The following VPS13C variants were observed in gnomAD, a reference collection of about 807,000 sequenced individuals.
VPS13C encodes the protein intermembrane lipid transfer protein VPS13C.
Under a neutral mutation model 456.8 loss-of-function variants are expected in VPS13C, and 358 were observed. The observed-to-expected ratio is 0.78, with a 90% CI of 0.72 to 0.86. The LOEUF (loss-of-function observed/expected upper bound fraction) is 0.86, where lower values mean the gene tolerates loss of function less well. Ranked by LOEUF, VPS13C falls within the 40% of genes least tolerant of loss-of-function variation. VPS13C has a pLI of 0.00. For missense variants in VPS13C, 4,818 were observed against 4,385.4 expected (o/e 1.10, Z -2.79); for synonymous variants, 1,578 against 1,486.7 (o/e 1.06, Z -1.41).
chr15:61,913,226 G>A, intron 62 of VPS13C, 85 bp downstream of exon 62: 1 of 1,198,722 alleles, frequency 8.3e-7, no homozygotes, highest in Non-Finnish European at 1.2e-6. Flanking sequence ...AAAGACACAT[G>A]CACACATATG....
chr15:61,922,855 TAA>T (rs2043707857), intron 53 of VPS13C, 93 bp from the exon 54 acceptor site: 2 of 967,874 alleles, frequency 2.1e-6, no homozygotes, highest in African/African-American at 1.7e-5. Context: ...ACATTAATTA[TAA>T]GTGACATTTT....
At chr15:61,994,811 A>C (rs1436478059) in intron 16 of VPS13C, among the ~76,000 whole-genome samples, 11 of 152,118 alleles carry the variant, frequency 7.2e-5, no homozygotes, top group Non-Finnish European at 2.9e-5. Context: ...GCTGGTCTCA[A>C]ACTCCTGACC....
At chr15:61,973,588 T>C in intron 25 of VPS13C, 56 bp from the exon 26 acceptor site, 1 of 1,330,634 alleles carries the variant, frequency 7.5e-7, no homozygotes, top group Non-Finnish European at 1.1e-6. Context: ...GGATTAAATG[T>C]CATAAATGAG....
intron 67 of VPS13C, among the ~76,000 whole-genome samples, chr15:61,889,333 CATT>C (rs1406220691): frequency 3.3e-5 from 5 of 151,912 alleles, no homozygotes; most frequent in Non-Finnish European, 7.4e-5. Flanking sequence ...AATATATTAA[CATT>C]ATATTAATGG....
rs762493623 is a variant in VPS13C at position 61,983,843 on chromosome 15, G to C, written c.1891C>G (p.Pro631Ala). 2 of 1,614,062 alleles carry C rather than the reference G, an allele frequency of 1.2e-6. No individual in the cohort carries two copies. The highest frequency in any genetic ancestry group is 2.2e-5 in the South Asian group (2 of 91,076). ...ADQTLIVQSQ[P>A]VEVIYDAKTV... is the part of the protein sequence containing the mutation. ...ACAGCATCATAGATGACCTCCACAG[G>C]CTGGGACTGAACAATCAGAGTCTGG... is the stretch of plus-strand genomic sequence containing the variant. Residue 631 changes from proline to alanine, a missense_variant, in exon 20 of 85, where the codon CCT becomes GCT. By Grantham distance (27) the Pro-to-Ala change is conservative (BLOSUM62 -1). This residue lies in a region of VPS13C where 4,552 missense variants were observed against 4,130.6 expected (regional missense o/e 1.10). Transcript: ENST00000644861.
intron 32 of VPS13C, among the ~76,000 whole-genome samples, chr15:61,963,099 T>C (rs897673159): frequency 6.6e-6 from 1 of 152,138 alleles, no homozygotes; most frequent in African/African-American, 2.4e-5. Context: ...AAATAGATTA[T>C]CTCAGGATTT....
Position 62,008,584 on chromosome 15 carries a change from G to C in VPS13C, c.1118+71C>G, listed in dbSNP as rs2046933879. On this transcript the variant is annotated intron_variant, in intron 14 of 84. Transcript: ENST00000644861. ...CTGAATTACTTGGCTTTTAAAGGTT[G>C]CTTAACTCTGAGAGTAACTAAATAT... 3 of 1,044,994 alleles carry C rather than the reference G, an allele frequency of 2.9e-6. No individual in the cohort carries two copies. The Middle Eastern group carries it at 6.5e-4, about 226-fold the overall frequency. The allele number at this position is 1,044,994 out of a possible 1,614,324, so 64.7% of individuals were successfully genotyped here.
In VPS13C at chr15:61,854,403, T is replaced by G; in HGVS notation, c.*54A>C. Reference sequence around the variant, plus strand: ...TAGCAAGATAAAGCAGAGTGACTTATAGACAAGACCAGTGATTGTTTTTTC... The same window carrying G: ...TAGCAAGATAAAGCAGAGTGACTTAGAGACAAGACCAGTGATTGTTTTTTC... On this transcript the variant is annotated 3_prime_UTR_variant, in exon 85 of 85. Transcript: ENST00000644861. The G allele has an allele frequency of 6.7e-7, 1 of 1,489,770 alleles. No homozygotes were observed. 92.3% of individuals were successfully genotyped at this position (1,489,770 alleles called of 1,614,324 possible). A position where few individuals can be genotyped will look rare whatever the true frequency, so the allele number is the denominator to read the frequency against.
chr15:62,013,118 A>C lies in VPS13C; in HGVS notation c.746T>G (p.Leu249Arg). Residue 249 changes from leucine (L) to arginine (R), a missense_variant and splice_region_variant, in exon 11 of 85, where the codon CTT (leucine) becomes CGT (arginine). Leu to Arg is a moderately radical substitution (Grantham distance 102). This residue lies in a region of VPS13C where 4,552 missense variants were observed against 4,130.6 expected (regional missense o/e 1.10). Coordinates refer to ENST00000644861, the MANE Select transcript of VPS13C (RefSeq NM_020821.3). ...GGCGCTAAGACTATCAAGTCGTATA[A>C]GCTATAAGAGAAAAATGAAAGAGAT... is the stretch of plus-strand genomic sequence containing the variant. ...LNEADKIIYK[L>R]IRLDSLSAYW... 1 of 1,597,042 alleles carries C rather than the reference A, an allele frequency of 6.3e-7. No homozygotes were observed. The highest frequency in any genetic ancestry group is 8.5e-7 in the Non-Finnish European group (1 of 1,171,926).
chr15:61,930,652 C>T (rs1261684971), intron 50 of VPS13C, among the ~76,000 whole-genome samples: 1 of 152,108 alleles, frequency 6.6e-6, no homozygotes, highest in Non-Finnish European at 1.5e-5. Flanking sequence ...TGTGAATGCG[C>T]TCGAGATTCT....
chr15:61,873,547 G>T, intron 77 of VPS13C, 138 bp from the exon 78 acceptor site: 1 of 794,780 alleles, frequency 1.3e-6, no homozygotes, highest in Non-Finnish European at 1.9e-6. Flanking sequence ...CATACAAATG[G>T]CCAACAAGTA....
chr15:61,991,151 A>C, intron 17 of VPS13C, 57 bp from the exon 18 acceptor site: 1 of 1,319,336 alleles, frequency 7.6e-7, no homozygotes, highest in Non-Finnish European at 1.1e-6. Flanking sequence ...AATATAACTA[A>C]AAAGACTAAC....
chr15:61,887,987 T>A (rs1896389828), intron 67 of VPS13C, among the ~76,000 whole-genome samples: 1 of 152,120 alleles, frequency 6.6e-6, no homozygotes, highest in Non-Finnish European at 1.5e-5. Context: ...AACAAAGAAC[T>A]CTTAAAACTC....
At position 62,010,515 on chromosome 15, in the gene VPS13C, T is replaced by A. The variant is rs1399726687; in HGVS notation, c.968A>T (p.Asn323Ile). 6.2e-7 allele frequency: 1 copy of A among 1,613,492 alleles called. No homozygotes were observed. Among genetic ancestry groups the A allele is most frequent in the East Asian group, 2.2e-5 (1 of 44,798 alleles). Reference sequence around the variant, plus strand: ...AATGGCAATATTTTGTATTTCTATGTTGCAATCCAGTTTGGGCGTTTTGAG... The same window carrying A: ...AATGGCAATATTTTGTATTTCTATGATGCAATCCAGTTTGGGCGTTTTGAG... ...SELKTPKLDC[N>I]IEIQNIAIEL... is the part of the protein sequence containing the mutation. Residue 323 changes from asparagine to isoleucine, a missense_variant, in exon 13 of 85, where the codon AAC (asparagine) becomes ATC (isoleucine). By Grantham distance (149) the Asn-to-Ile change is moderately radical. Around this residue, in one of 3 missense-constraint regions of VPS13C, gnomAD observed 4,552 missense variants for 4,130.6 expected, o/e 1.10. Coordinates refer to ENST00000644861, the MANE Select transcript of VPS13C (RefSeq NM_020821.3).
chr15:61,972,280 T>C lies in VPS13C; in HGVS notation c.2757+345A>G, dbSNP rs1220930969. Among the ~76,000 whole-genome samples the C allele has an allele frequency of 7.9e-5, 12 of 152,318 alleles. No homozygotes were observed. In the Middle Eastern group the frequency reaches 0.01, roughly 130 times the overall value. On this transcript the variant is annotated intron_variant, in intron 27 of 84. Coordinates refer to ENST00000644861, the MANE Select transcript of VPS13C (RefSeq NM_020821.3). ...ATAAACATGATAATGAGCAATATTA[T>C]TTAGCTTAAAAGTGAAAAGTTTAAA...
Position 61,927,240 on chromosome 15 carries a change from C to G in VPS13C, c.6367G>C (p.Ala2123Pro), listed in dbSNP as rs2043881821. ...EVVFVASLTK[A>P]DAPALTASFQ... ...GAGGCTGTCAGAGCAGGAGCATCAG[C>G]CTTTGTCAGGCTGGCAACAAATACC... Residue 2123 changes from alanine (A) to proline (P), a missense_variant, in exon 52 of 85, where the codon GCT (alanine) becomes CCT (proline). Ala to Pro is a conservative substitution (Grantham distance 27). This residue lies in a region of VPS13C where 4,552 missense variants were observed against 4,130.6 expected (regional missense o/e 1.10). Transcript: ENST00000644861. The G allele has an allele frequency of 6.2e-7, 1 of 1,614,182 alleles. No individual in the cohort carries two copies. Among genetic ancestry groups the G allele is most frequent in the Non-Finnish European group, 8.5e-7 (1 of 1,180,028 alleles).
chr15:62,012,932 C>A, intron 11 of VPS13C, 107 bp downstream of exon 11: 1 of 603,746 alleles, frequency 1.7e-6, no homozygotes, highest in Non-Finnish European at 2.7e-6. Flanking sequence ...TAGTGAAATA[C>A]AAGTTAAACA....
chr15:61,910,374 T>C (rs2043270340), intron 63 of VPS13C, 69 bp from the exon 64 acceptor site: 1 of 1,212,184 alleles, frequency 8.2e-7, no homozygotes, highest in East Asian at 3.4e-5. Context: ...CATTACCTAA[T>C]TAAATTTTCA....
At chr15:61,937,006 C>T (rs575520707) in intron 47 of VPS13C, among the ~76,000 whole-genome samples, 20 of 152,292 alleles carry the variant, frequency 1.3e-4, no homozygotes, top group South Asian at 1.2e-3. Context: ...GTTACTATGT[C>T]TTCCTGTTCC....
Sources: gnomAD v4.1 joint callset for allele counts (sites outside exome capture counted in the v4.1 genomes callset) on GRCh38, gnomAD v4.1.1 for gene constraint, gnomAD v4.1.1 regional missense constraint, MANE v1.5 for transcripts, NCBI Gene and HGNC (gene_info 2026-07-23, HGNC 2026-07-21) for gene names.